Variants in GNAL observed in about 807,000 individuals in gnomAD.
GNAL encodes the protein G protein subunit alpha L.
A neutral mutation model predicts 55.1 loss-of-function variants in GNAL; 18 were observed. The ratio of observed to expected loss-of-function variants is 0.33; its 90% confidence interval spans 0.23 to 0.48. The LOEUF (loss-of-function observed/expected upper bound fraction) is 0.48. Among genes scored for constraint, GNAL ranks in the 20% least tolerant of loss-of-function variants. The pLI is 0.99. For synonymous variants in GNAL, 253 were observed against 237.0 expected (o/e 1.07, Z -0.62); for missense variants, 412 against 614.1 (o/e 0.67, Z 3.48).
intron 1 of GNAL, among the ~76,000 whole-genome samples, chr18:11,711,365 A>G (rs1414330951): frequency 1.3e-5 from 2 of 151,838 alleles, no homozygotes; most frequent in Admixed American, 1.3e-4. Context: ...ATGGTGTCCT[A>G]TAACTTCCTT....
chr18:11,732,292 C>T (rs2032356801), intron 1 of GNAL, among the ~76,000 whole-genome samples: 1 of 152,224 alleles, frequency 6.6e-6, no homozygotes, highest in African/African-American at 2.4e-5. Flanking sequence ...ACTTTCCCAC[C>T]AGCAGTGTAT....
At chr18:11,790,367 C>A (rs1312728876) in intron 4 of GNAL, among the ~76,000 whole-genome samples, 1 of 151,906 alleles carries the variant, frequency 6.6e-6, no homozygotes, top group African/African-American at 2.4e-5. Flanking sequence ...CAGCTCCTCA[C>A]GATTCCCCCA....
intron 4 of GNAL, among the ~76,000 whole-genome samples, chr18:11,758,898 C>T (rs1433681604): frequency 6.6e-6 from 1 of 152,220 alleles, no homozygotes; most frequent in Non-Finnish European, 1.5e-5. Flanking sequence ...ATAGGCCGGG[C>T]ATGGTGGCTC....
intron 4 of GNAL, 120 bp downstream of exon 4, chr18:11,754,065 C>G (rs1195415590): frequency 2.7e-6 from 2 of 752,912 alleles, no homozygotes; most frequent in Non-Finnish European, 4.5e-6. Flanking sequence ...AAATCCAGCT[C>G]TCTAAATGCA....
chr18:11,872,222 T>C (rs2036414290), intron 9 of GNAL, 46 bp from the exon 10 acceptor site: 6 of 1,308,208 alleles, frequency 4.6e-6, no homozygotes, highest in South Asian at 1.3e-5. Context: ...GGCACTTTCA[T>C]GTACTAGTGT....
intron 1 of GNAL, among the ~76,000 whole-genome samples, chr18:11,694,903 T>G (rs2031361707): frequency 6.6e-6 from 1 of 152,168 alleles, no homozygotes; most frequent in African/African-American, 2.4e-5. Flanking sequence ...TCACATGGCC[T>G]TTCCTCTGTG....
At position 11,883,247 on chromosome 18, in the gene GNAL, C is replaced by T. The variant is rs2036761314; in HGVS notation, c.*2112C>T. On this transcript the variant is annotated 3_prime_UTR_variant, in exon 12 of 12. Coordinates refer to ENST00000334049, the MANE Select transcript of GNAL (RefSeq NM_182978.4). The stretch of plus-strand genomic sequence containing the variant: ...CCTCCCCATCCACTGTCTCATAAAG[C>T]CCTCAGCTGAACTAAGATAAATAAT... The T allele has an allele frequency of 6.6e-6, 1 of 152,148 alleles. No homozygotes were observed. The highest frequency in any genetic ancestry group is 1.5e-5 in the Non-Finnish European group (1 of 68,032). 9.4% of individuals were successfully genotyped at this position (152,148 alleles called of 1,614,324 possible).
At chr18:11,784,251 A>G (rs1457811471) in intron 4 of GNAL, among the ~76,000 whole-genome samples, 1 of 152,244 alleles carries the variant, frequency 6.6e-6, no homozygotes, top group African/African-American at 2.4e-5. Flanking sequence ...TCTTCAGGTC[A>G]GCAGGCGAGG....
intron 4 of GNAL, among the ~76,000 whole-genome samples, chr18:11,792,107 T>C (rs1192910277): frequency 6.6e-6 from 1 of 152,220 alleles, no homozygotes; most frequent in Non-Finnish European, 1.5e-5. Flanking sequence ...GTGGCTTTCC[T>C]AATTGGCACC....
chr18:11,878,976 G>A (rs1232382823), intron 11 of GNAL, among the ~76,000 whole-genome samples: 3 of 138,614 alleles, frequency 2.2e-5, no homozygotes, highest in Admixed American at 1.4e-4. Context: ...GGAGTGGGGA[G>A]GGATAGCATT....
rs1598456636 is a variant in GNAL at position 11,882,090 on chromosome 18, T to TGTAA, written c.*958_*961dup. 2 of 152,190 alleles carry TGTAA rather than the reference T, an allele frequency of 1.3e-5. No individual in the cohort carries two copies. The highest frequency in any genetic ancestry group is 1.3e-4 in the Admixed American group (2 of 15,260). 9.4% of individuals were successfully genotyped at this position (152,190 alleles called of 1,614,324 possible). A position where few individuals can be genotyped will look rare whatever the true frequency, so the allele number is the denominator to read the frequency against. ...TAAAATACTCCCTGATTTAAAAAAT[T>TGTAA]GTAAGTTATACACGTTAATCATCCA... On this transcript the variant is annotated 3_prime_UTR_variant, in exon 12 of 12. Coordinates refer to ENST00000334049, the MANE Select transcript of GNAL (RefSeq NM_182978.4).
chr18:11,707,327 A>T (rs1009445547), intron 1 of GNAL, among the ~76,000 whole-genome samples: 1 of 152,260 alleles, frequency 6.6e-6, no homozygotes, highest in Non-Finnish European at 1.5e-5. Flanking sequence ...TGTTATGTTA[A>T]CAGGCATGAA....
intron 4 of GNAL, among the ~76,000 whole-genome samples, chr18:11,756,582 A>G (rs2033064441): frequency 1.3e-5 from 2 of 152,014 alleles, no homozygotes; most frequent in South Asian, 4.2e-4. Context: ...TATATAAATC[A>G]GGAAATTAAT....
intron 4 of GNAL, among the ~76,000 whole-genome samples, chr18:11,766,060 A>G (rs1222593659): frequency 6.6e-6 from 1 of 152,216 alleles, no homozygotes; most frequent in Non-Finnish European, 1.5e-5. Context: ...CTCAGGAATC[A>G]GTAGAAGGAG....
chr18:11,765,569 C>A (rs919918540), intron 4 of GNAL, among the ~76,000 whole-genome samples: 6 of 152,186 alleles, frequency 3.9e-5, no homozygotes, highest in African/African-American at 1.4e-4. Flanking sequence ...CCCACCTCCC[C>A]ACTATTCTTC....
chr18:11,800,280 A>G (rs1034241374), intron 4 of GNAL, among the ~76,000 whole-genome samples: 8 of 152,292 alleles, frequency 5.3e-5, no homozygotes, highest in African/African-American at 1.7e-4. Context: ...TGATTAAATA[A>G]GATAAGATGA....
Position 11,752,331 on chromosome 18 carries a change from G to T in GNAL, c.377-522G>T. ...AGAGACCAGACCATCTCTTTCAGCA[G>T]CAGGAAAGAGAGGAGCCGTCGCAGG... On this transcript the variant is annotated intron_variant, in intron 1 of 11. Transcript: ENST00000334049. This position sits in a 1 kb window ranked among gnomAD's most constrained non-coding sequence, Gnocchi z 4.5. 6.7e-7 allele frequency: 1 copy of T among 1,481,586 alleles called. No homozygotes were observed. Among genetic ancestry groups the T allele is most frequent in the Non-Finnish European group, 8.9e-7 (1 of 1,120,800 alleles). The allele number at this position is 1,481,586 out of a possible 1,614,324, so 91.8% of individuals were successfully genotyped here. A position where few individuals can be genotyped will look rare whatever the true frequency, so the allele number is the denominator to read the frequency against.
At chr18:11,731,010 C>A (rs1482643457) in intron 1 of GNAL, among the ~76,000 whole-genome samples, 1 of 152,172 alleles carries the variant, frequency 6.6e-6, no homozygotes, top group Non-Finnish European at 1.5e-5. Context: ...TGTCTTATTG[C>A]CACACAGAAT....
At chr18:11,841,749 G>A (rs1248334016) in intron 5 of GNAL, among the ~76,000 whole-genome samples, 9 of 152,032 alleles carry the variant, frequency 5.9e-5, no homozygotes, top group Non-Finnish European at 1.0e-4. Context: ...TCCCAACTGC[G>A]GGGATCCTTC....
Sources: allele counts gnomAD v4.1 joint callset (sites outside exome capture counted in the v4.1 genomes callset), GRCh38; gene constraint gnomAD v4.1.1; non-coding constraint Gnocchi (gnomAD v3.1); transcripts MANE v1.5; gene names NCBI Gene and HGNC (gene_info 2026-07-23, HGNC 2026-07-21).